The following KDELR2 variants were observed in gnomAD, a reference collection of about 807,000 sequenced individuals.
KDELR2 encodes the protein ER lumen protein-retaining receptor 2.
Under a neutral mutation model 23.9 loss-of-function variants are expected in KDELR2, and 15 were observed. The ratio of observed to expected loss-of-function variants is 0.63; its 90% CI spans 0.42 to 0.97. The LOEUF (loss-of-function observed/expected upper bound fraction) is 0.97. Ranked by LOEUF, KDELR2 falls within the 50% of genes least tolerant of loss-of-function variation. KDELR2 has a pLI of 0.00. For missense variants in KDELR2, 272 were observed against 254.6 expected, an observed-to-expected ratio of 1.07 and a Z score of -0.46; for synonymous variants, 119 against 106.2, an observed-to-expected ratio of 1.12 and a Z score of -0.74.
Position 6,466,158 on chromosome 7 carries a change from C to T in KDELR2, c.517G>A (p.Glu173Lys). 6.2e-7 allele frequency: 1 copy of T among 1,614,182 alleles called. No individual in the cohort carries two copies. The highest frequency in any genetic ancestry group is 8.5e-7 in the Non-Finnish European group (1 of 1,180,022). ...LVNWIWRFYF[E>K]GFFDLIAVVA... ...ACAGCAATGAGGTCAAAGAAGCCCT[C>T]AAAGTAGAAGCGCCAGATCCAGTTG... is the stretch of plus-strand genomic sequence containing the variant. The change falls in exon 4 of 5, where the codon GAG becomes AAG. Residue 173 changes from glutamate (E) to lysine (K), a missense_variant. Glu to Lys is a moderately conservative substitution (Grantham distance 56). Coordinates refer to ENST00000258739, the MANE Select transcript of KDELR2 (RefSeq NM_006854.4).
At chr7:6,470,407 A>C (rs1418416215) in intron 2 of KDELR2, 1 of 152,160 alleles carries the variant, frequency 6.6e-6, no homozygotes, top group Non-Finnish European at 1.5e-5. Flanking sequence ...TCCTAGTGTG[A>C]GTGGGTGTGG....
chr7:6,473,700 A>C (rs1785700325), intron 2 of KDELR2, among the ~76,000 whole-genome samples: 1 of 152,220 alleles, frequency 6.6e-6, no homozygotes, highest in South Asian at 2.1e-4. Context: ...CAACAGTTTA[A>C]GTAAAACTGA....
Position 6,463,128 on chromosome 7 carries a change from T to G in KDELR2, c.*13A>C, listed in dbSNP as rs763588981. ...CACCCTGAAGGACAGATGCTGGTGA[T>G]GGTCTTTGGCACTTATGCTGGCAAA... On this transcript the variant is annotated 3_prime_UTR_variant, in exon 5 of 5. Coordinates refer to ENST00000258739, the MANE Select transcript of KDELR2 (RefSeq NM_006854.4). 6.2e-7 allele frequency: 1 copy of G among 1,614,188 alleles called. No individual in the cohort carries two copies. The highest frequency in any genetic ancestry group is 1.7e-5 in the Admixed American group (1 of 60,014).
At chr7:6,476,330 C>T (rs1203195121) in intron 1 of KDELR2, among the ~76,000 whole-genome samples, 1 of 152,080 alleles carries the variant, frequency 6.6e-6, no homozygotes, top group Non-Finnish European at 1.5e-5. Flanking sequence ...TTCCCCGTAA[C>T]GGATAACTGA....
At chr7:6,469,540 C>A in intron 3 of KDELR2, 56 bp downstream of exon 3, 1 of 1,549,670 alleles carries the variant, frequency 6.5e-7, no homozygotes, top group Non-Finnish European at 8.8e-7. Context: ...TCCCAAAATG[C>A]TGGGATTACA....
intron 1 of KDELR2, 149 bp downstream of exon 1, chr7:6,483,818 C>A (rs1051878115): frequency 4.1e-6 from 2 of 485,790 alleles, no homozygotes; most frequent in Non-Finnish European, 6.1e-6. Flanking sequence ...GGCCGCTGCC[C>A]CCCGGGTCCG....
At position 6,466,367 on chromosome 7, in the gene KDELR2, C is replaced by G. The variant is rs1307710455; in HGVS notation, c.352-44G>C. On this transcript the variant is annotated intron_variant, in intron 3 of 4. Coordinates refer to ENST00000258739, the MANE Select transcript of KDELR2 (RefSeq NM_006854.4). ...GCTTCCATCACGACCCACTGCCCAC[C>G]AGGAGCTCAGAGGAAACACTCTTGC... 3 of 1,600,710 alleles carry G rather than the reference C, an allele frequency of 1.9e-6. No homozygotes were observed. In the African/African-American group the frequency reaches 4.0e-5, roughly 21 times the overall value.
intron 1 of KDELR2, among the ~76,000 whole-genome samples, chr7:6,481,352 C>G (rs1287184059): frequency 2.5e-5 from 2 of 81,160 alleles, no homozygotes; most frequent in Admixed American, 3.7e-4. Flanking sequence ...GACACAAGAT[C>G]AAAAGTTCAT....
intron 1 of KDELR2, among the ~76,000 whole-genome samples, chr7:6,481,638 T>C (rs970850269): frequency 1.1e-4 from 17 of 152,128 alleles, no homozygotes; most frequent in Non-Finnish European, 1.0e-4. Context: ...GAGGATCGCT[T>C]GAGCCCAGGA....
In KDELR2 at chr7:6,474,872, T is replaced by A. The variant is rs182425930; in HGVS notation, c.92-588A>T. ...TTGTTCACCATGTTGCCCACACTGG[T>A]CTTGAACTCCTGGGCCCAGCTTCCC... On this transcript the variant is annotated intron_variant, in intron 1 of 4. Transcript: ENST00000258739. Among the ~76,000 whole-genome samples, 39 of 152,216 alleles carry A rather than the reference T, an allele frequency of 2.6e-4. 1 individual carries two copies. The highest frequency in any genetic ancestry group is 3.4e-3 in the Middle Eastern group (1 of 292).
At position 6,468,654 on chromosome 7, in the gene KDELR2, C is replaced by T. The variant is rs572578830; in HGVS notation, c.351+942G>A. 2.2e-4 allele frequency among the ~76,000 whole-genome samples: 33 copies of T among 152,142 alleles called. No individual in the cohort carries two copies. In the East Asian group the frequency reaches 5.3e-3, roughly 24 times the overall value. ...CCAAGTAACTGGGACTACAGGCGCCCGCCACCACGCCCAGCTAGTTTTTTG... is the reference window on the plus strand; with the variant it reads ...CCAAGTAACTGGGACTACAGGCGCCTGCCACCACGCCCAGCTAGTTTTTTG... On this transcript the variant is annotated intron_variant, in intron 3 of 4. Transcript: ENST00000258739.
At chr7:6,471,284 C>A (rs142663495) in intron 2 of KDELR2, among the ~76,000 whole-genome samples, 2 of 139,922 alleles carry the variant, frequency 1.4e-5, no homozygotes, top group Non-Finnish European at 3.1e-5. Context: ...CAGGTTCAAG[C>A]GATTCTCCTG....
intron 1 of KDELR2, among the ~76,000 whole-genome samples, 190 bp downstream of exon 1, chr7:6,483,777 C>A (rs1294006323): frequency 6.6e-6 from 1 of 152,086 alleles, no homozygotes; most frequent in Admixed American, 6.5e-5. Flanking sequence ...CGCTGCGACA[C>A]CCGGCCCGGA....
intron 3 of KDELR2, among the ~76,000 whole-genome samples, chr7:6,469,088 A>C (rs1562499374): frequency 6.6e-6 from 1 of 151,646 alleles, no homozygotes; most frequent in Non-Finnish European, 1.5e-5. Context: ...AGTAGCTGGG[A>C]CTACAGGTGC....
At chr7:6,471,315 G>A (rs542732176) in intron 2 of KDELR2, among the ~76,000 whole-genome samples, 157 of 150,588 alleles carry the variant, frequency 1.0e-3, no homozygotes, top group African/African-American at 3.0e-3. Context: ...CCAAGTAGCT[G>A]GGATTACAAG....
intron 2 of KDELR2, chr7:6,470,095 T>C: frequency 5.6e-6 from 1 of 178,112 alleles, no homozygotes; most frequent in Non-Finnish European, 1.2e-5. Flanking sequence ...GAAAGCCACA[T>C]AAATGGAGTC....
rs541726566 is a variant in KDELR2 at position 6,464,972 on chromosome 7, A to T, written c.604+1099T>A. On this transcript the variant is annotated intron_variant, in intron 4 of 4. Coordinates refer to ENST00000258739, the MANE Select transcript of KDELR2 (RefSeq NM_006854.4). ...GCTAGTCTTGAACTCCTGACCTCAG[A>T]CGATCCACCCATCTCGGCCTCCCAA... 1.6e-4 allele frequency among the ~76,000 whole-genome samples: 24 copies of T among 151,854 alleles called. 1 individual carries two copies. The South Asian group carries it at 4.8e-3, about 30-fold the overall frequency.
Position 6,483,951 on chromosome 7 carries a change from T to C in KDELR2, c.91+16A>G. 1 of 1,496,626 alleles carries C rather than the reference T, an allele frequency of 6.7e-7. No individual in the cohort carries two copies. The highest frequency in any genetic ancestry group is 8.9e-7 in the Non-Finnish European group (1 of 1,118,460). 92.7% of individuals were successfully genotyped at this position (1,496,626 alleles called of 1,614,324 possible). On this transcript the variant is annotated intron_variant, in intron 1 of 4. Transcript: ENST00000258739. The stretch of plus-strand genomic sequence containing the variant: ...CCCCACGCCCGAGCCTCTCCGGGCC[T>C]TCCCCCGCCGCTCACCGGCGCAGGA...
rs1785383919 is a variant in KDELR2, at chr7:6,461,286, G to A, written c.*1855C>T. Reference sequence around the variant, plus strand: ...AACATAGCCAAGGTTACTTTTACTTGGGTAGGATGACTGCAGAAGGAATGG... The same window carrying A: ...AACATAGCCAAGGTTACTTTTACTTAGGTAGGATGACTGCAGAAGGAATGG... On this transcript the variant is annotated 3_prime_UTR_variant, in exon 5 of 5. Coordinates refer to ENST00000258739, the MANE Select transcript of KDELR2 (RefSeq NM_006854.4). 6.6e-6 allele frequency: 1 copy of A among 152,124 alleles called. No individual in the cohort carries two copies. The highest frequency in any genetic ancestry group is 2.4e-5 in the African/African-American group (1 of 41,412). 9.4% of individuals were successfully genotyped at this position (152,124 alleles called of 1,614,324 possible).
Sources: allele counts gnomAD v4.1 joint callset (sites outside exome capture counted in the v4.1 genomes callset), GRCh38; gene constraint gnomAD v4.1.1; transcripts MANE v1.5; gene names NCBI Gene and HGNC (gene_info 2026-07-23, HGNC 2026-07-21).